MGRN1: variants seen among roughly 807,000 people sequenced by gnomAD.
MGRN1 encodes the protein mahogunin ring finger 1.
In MGRN1, 29 loss-of-function variants were observed where a neutral mutation model predicts 69.2. That is an observed-to-expected ratio of 0.42 (90% CI 0.31 to 0.57). The LOEUF (loss-of-function observed/expected upper bound fraction) is 0.57, where lower values mean the gene tolerates loss of function less well. Among genes scored for constraint, MGRN1 ranks in the 20% least tolerant of loss-of-function variants. The pLI, the probability that MGRN1 is intolerant of heterozygous loss-of-function variation, is 0.15. For synonymous variants in MGRN1, 470 were observed against 344.2 expected, an observed-to-expected ratio of 1.37 and a Z score of -4.04; for missense variants, 998 against 796.2, an observed-to-expected ratio of 1.25 and a Z score of -3.05.
chr16:4,661,240 G>T (rs2078673379), intron 5 of MGRN1, among the ~76,000 whole-genome samples: 1 of 151,964 alleles, frequency 6.6e-6, no homozygotes, highest in African/African-American at 2.4e-5. Context: ...CGGCCTCCCA[G>T]AGTGTTGGGA....
At chr16:4,673,441 A>G (rs1272419166) in intron 9 of MGRN1, 57 bp from the exon 10 acceptor site, 1 of 1,580,742 alleles carries the variant, frequency 6.3e-7, no homozygotes, top group Non-Finnish European at 8.6e-7. Context: ...GACAGGAAGC[A>G]GGAGCCGTAC....
At chr16:4,636,989 T>G (rs552877360) in intron 1 of MGRN1, among the ~76,000 whole-genome samples, 30 of 150,864 alleles carry the variant, frequency 2.0e-4, no homozygotes, top group Non-Finnish European at 4.0e-4. Context: ...CACGGTGGCG[T>G]GCGCCTGTAG....
intron 1 of MGRN1, among the ~76,000 whole-genome samples, chr16:4,628,420 C>G (rs1432663726): frequency 6.7e-6 from 1 of 150,160 alleles, no homozygotes; most frequent in Non-Finnish European, 1.5e-5. Flanking sequence ...GACATTGAAG[C>G]AACAACAACA....
rs2078988673 is a variant in MGRN1, at chr16:4,673,578, C to A, written c.876C>A (p.Pro292=). 1.2e-6 allele frequency: 2 copies of A among 1,613,872 alleles called. No individual in the cohort carries two copies. Among genetic ancestry groups the A allele is most frequent in the East Asian group, 4.5e-5 (2 of 44,884 alleles). Residue 292 remains proline (P), a synonymous_variant, in exon 10 of 17, where the codon CCC becomes CCA. Transcript: ENST00000262370. ...ACCTGCGGGACACGCTGATCCTGCC[C>A]TGCCGCCACCTGTGCCTCTGTACCT... ...LSDLRDTLIL[P]CRHLCLCTSC... is the part of the protein sequence containing the mutation.
intron 6 of MGRN1, 62 bp from the exon 7 acceptor site, chr16:4,665,040 G>A: frequency 6.3e-7 from 1 of 1,589,014 alleles, no homozygotes; most frequent in Non-Finnish European, 8.6e-7. Flanking sequence ...GGGTCGGGGA[G>A]GTGAGATGCC....
At position 4,681,907 on chromosome 16, in the gene MGRN1, C is replaced by T. The variant is rs115343596; in HGVS notation, c.1358+131C>T. 5.9e-4 allele frequency: 555 copies of T among 936,878 alleles called. 3 individuals are homozygous for T. Among genetic ancestry groups the T allele is most frequent in the African/African-American group, 5.5e-3 (329 of 60,276 alleles). 58.0% of individuals were successfully genotyped at this position (936,878 alleles called of 1,614,324 possible). A position where few individuals can be genotyped will look rare whatever the true frequency, so the allele number is the denominator to read the frequency against. ...ATTCCCCAGAAGGACTCGGAGACCCCGTATCAGGTTAGACTCATGGGTAAA... is the reference window on the plus strand; with the variant it reads ...ATTCCCCAGAAGGACTCGGAGACCCTGTATCAGGTTAGACTCATGGGTAAA... On this transcript the variant is annotated intron_variant, in intron 13 of 16. Transcript: ENST00000262370.
chr16:4,668,913 T>C (rs1567217567), intron 8 of MGRN1, among the ~76,000 whole-genome samples: 1 of 151,874 alleles, frequency 6.6e-6, no homozygotes, highest in East Asian at 1.9e-4. Flanking sequence ...CGCACACATA[T>C]ACAGACATAC....
intron 1 of MGRN1, among the ~76,000 whole-genome samples, chr16:4,637,035 C>T (rs569350244): frequency 2.7e-5 from 4 of 147,598 alleles, no homozygotes; most frequent in Middle Eastern, 3.5e-3. Context: ...AGGAGAATGG[C>T]GTGAACCTGG....
intron 1 of MGRN1, among the ~76,000 whole-genome samples, chr16:4,627,572 G>T (rs1292987823): frequency 6.6e-6 from 1 of 152,130 alleles, no homozygotes; most frequent in Non-Finnish European, 1.5e-5. Flanking sequence ...CGGATCACAA[G>T]GTCAGGAGAT....
intron 16 of MGRN1, chr16:4,686,965 T>C: frequency 5.1e-6 from 5 of 984,470 alleles, no homozygotes; most frequent in Non-Finnish European, 6.0e-6. Context: ...CAGGGGAGAG[T>C]ATCTTGCGTC....
intron 7 of MGRN1, 119 bp from the exon 8 acceptor site, chr16:4,668,144 TTC>T: frequency 1.5e-6 from 1 of 676,522 alleles, no homozygotes. Context: ...TTTTTCTTTT[TTC>T]TTTTTCCAGC....
intron 16 of MGRN1, chr16:4,686,539 A>G: frequency 2.9e-6 from 4 of 1,359,648 alleles, no homozygotes; most frequent in African/African-American, 3.0e-5. Flanking sequence ...CTCCATCTGG[A>G]CTAGGCGGCC....
chr16:4,677,318 A>T, intron 10 of MGRN1, 145 bp from the exon 11 acceptor site: 2 of 473,146 alleles, frequency 4.2e-6, no homozygotes, highest in Non-Finnish European at 3.6e-6. Flanking sequence ...AACTAAAAGA[A>T]AAAAAAAAGA....
intron 1 of MGRN1, among the ~76,000 whole-genome samples, chr16:4,627,613 C>T (rs1392186966): frequency 6.6e-6 from 1 of 151,088 alleles, no homozygotes; most frequent in Non-Finnish European, 1.5e-5. Flanking sequence ...CGGGGAAACC[C>T]CGTCTCTACT....
At chr16:4,632,694 C>T (rs893233963) in intron 1 of MGRN1, among the ~76,000 whole-genome samples, 3 of 152,122 alleles carry the variant, frequency 2.0e-5, no homozygotes, top group South Asian at 2.1e-4. Context: ...GTGCCGGGAC[C>T]AGTGGTTTTT....
At chr16:4,656,194 C>T (rs1463153123) in intron 4 of MGRN1, among the ~76,000 whole-genome samples, 1 of 152,222 alleles carries the variant, frequency 6.6e-6, no homozygotes, top group African/African-American at 2.4e-5. Context: ...GCTTGAGGCA[C>T]CTGTCTTAGG....
chr16:4,687,045 A>G, intron 16 of MGRN1: 1 of 985,538 alleles, frequency 1.0e-6, no homozygotes, highest in Admixed American at 6.1e-5. Context: ...CAGCATGGCC[A>G]CCGTGGGCCT....
At chr16:4,686,592 C>G in intron 16 of MGRN1, 1 of 1,247,924 alleles carries the variant, frequency 8.0e-7, no homozygotes, top group Non-Finnish European at 1.0e-6. Flanking sequence ...TGGAACAGTC[C>G]CAGCCCAGGC....
intron 1 of MGRN1, among the ~76,000 whole-genome samples, chr16:4,647,270 G>C (rs534531560): frequency 4.5e-4 from 69 of 152,378 alleles, no homozygotes; most frequent in Admixed American, 7.2e-4. Flanking sequence ...TGGGGCTTGA[G>C]GTTGGTCTGA....
Sources: gnomAD v4.1 joint callset for allele counts (sites outside exome capture counted in the v4.1 genomes callset) on GRCh38, gnomAD v4.1.1 for gene constraint, MANE v1.5 for transcripts, NCBI Gene and HGNC (gene_info 2026-07-23, HGNC 2026-07-21) for gene names.